Variants in PITPNM3 observed in about 807,000 individuals in gnomAD.
The protein encoded by PITPNM3 is membrane-associated phosphatidylinositol transfer protein 3.
Under a neutral mutation model 102.0 loss-of-function variants are expected in PITPNM3, and 26 were observed. That is an observed-to-expected ratio of 0.25 (90% CI 0.19 to 0.35). The LOEUF is 0.35. Ranked by LOEUF, PITPNM3 falls within the 10% of genes least tolerant of loss-of-function variation. PITPNM3 has a pLI of 1.00. For synonymous variants in PITPNM3, 578 were observed against 558.6 expected, an observed-to-expected ratio of 1.03 and a Z score of -0.49; for missense variants, 1,083 against 1,346.1, an observed-to-expected ratio of 0.80 and a Z score of 3.06.
At chr17:6,547,816 A>G (rs1390074105) in intron 1 of PITPNM3, among the ~76,000 whole-genome samples, 1 of 150,002 alleles carries the variant, frequency 6.7e-6, no homozygotes, top group African/African-American at 2.5e-5. Flanking sequence ...GCTCACTGCA[A>G]CCTCCGCCTC....
chr17:6,507,322 G>A (rs769617695), intron 3 of PITPNM3, among the ~76,000 whole-genome samples: 7 of 152,170 alleles, frequency 4.6e-5, no homozygotes, highest in Non-Finnish European at 7.3e-5. Flanking sequence ...GGTGGCTCAC[G>A]CCTGTAAACT....
chr17:6,547,127 T>C (rs1910066099), intron 1 of PITPNM3, among the ~76,000 whole-genome samples: 1 of 152,146 alleles, frequency 6.6e-6, no homozygotes, highest in Admixed American at 6.5e-5. Context: ...GACTCACGAT[T>C]CTTGTTGACA....
chr17:6,485,766 TC>T (rs942013609), intron 4 of PITPNM3, among the ~76,000 whole-genome samples: 1 of 152,170 alleles, frequency 6.6e-6, no homozygotes, highest in African/African-American at 2.4e-5. Context: ...CCTTCTTGGC[TC>T]CCAGCCCTCC....
At chr17:6,494,889 G>T (rs1254977603) in intron 4 of PITPNM3, among the ~76,000 whole-genome samples, 1 of 152,038 alleles carries the variant, frequency 6.6e-6, no homozygotes, top group African/African-American at 2.4e-5. Flanking sequence ...CCACCAGTAG[G>T]GGACAGATTA....
At chr17:6,525,771 G>A (rs541185839) in intron 2 of PITPNM3, among the ~76,000 whole-genome samples, 1 of 152,344 alleles carries the variant, frequency 6.6e-6, no homozygotes, top group African/African-American at 2.4e-5. Context: ...AAGTCAGTGT[G>A]TTTGGGAAGA....
chr17:6,536,411 G>A (rs1265898322), intron 2 of PITPNM3, among the ~76,000 whole-genome samples: 1 of 152,236 alleles, frequency 6.6e-6, no homozygotes, highest in Non-Finnish European at 1.5e-5. Context: ...TGAAGCTGTT[G>A]TTGTCTCACT....
Position 6,538,080 on chromosome 17 carries a change from C to G in PITPNM3, c.25G>C (p.Gly9Arg), listed in dbSNP as rs1463989669. 3 of 1,608,196 alleles carry G rather than the reference C, an allele frequency of 1.9e-6. No homozygotes were observed. In the East Asian group the frequency reaches 6.7e-5, roughly 36 times the overall value. Residue 9 changes from glycine to arginine, a missense_variant and splice_region_variant, in exon 2 of 20, where the codon GGT (glycine) becomes CGT (arginine). Gly to Arg is a moderately radical substitution (Grantham distance 125). Around this residue, in one of 5 missense-constraint regions of PITPNM3, gnomAD observed 290 missense variants for 337.8 expected, o/e 0.86. Coordinates refer to ENST00000262483, the MANE Select transcript of PITPNM3 (RefSeq NM_031220.4). ...GGGGCACCGCCGCCCGGGGGAGGAC[C>G]ACCTGTTAAAGGGAACACATCTGTT... MAKAGRAG[G>R]PPPGGGAPWH...
intron 4 of PITPNM3, among the ~76,000 whole-genome samples, chr17:6,493,828 G>A (rs907521210): frequency 6.6e-6 from 1 of 152,250 alleles, no homozygotes; most frequent in Non-Finnish European, 1.5e-5. Flanking sequence ...TTGAGAACAT[G>A]TTGTTAGATA....
At chr17:6,480,165 C>A (rs1347008739) in intron 6 of PITPNM3, 2 of 152,234 alleles carry the variant, frequency 1.3e-5, no homozygotes, top group African/African-American at 4.8e-5. Flanking sequence ...GGACATCTCG[C>A]AGTTTAACAA....
intron 11 of PITPNM3, among the ~76,000 whole-genome samples, chr17:6,471,652 A>G (rs1905083102): frequency 6.6e-6 from 1 of 152,222 alleles, no homozygotes; most frequent in Non-Finnish European, 1.5e-5. Flanking sequence ...AAAGCTGCAG[A>G]GGGAGCCTCT....
chr17:6,468,250 C>T lies in PITPNM3; in HGVS notation c.1865G>A (p.Arg622His), dbSNP rs148665666. ...CCTCAGCTTGACCTGAGTCCGCTTA[C>T]GAAGCCACTTCTCCCGGGGGTTGGC... ...SPANPREKWL[R>H]KRTQVKLRNV... Residue 622 changes from arginine (R) to histidine (H), a missense_variant, in exon 14 of 20, where the codon CGT (arginine) becomes CAT (histidine). This residue lies in a region of PITPNM3 where 410 missense variants were observed against 638.4 expected (regional missense o/e 0.64). Coordinates refer to ENST00000262483, the MANE Select transcript of PITPNM3 (RefSeq NM_031220.4). This position sits in a 1 kb window ranked among gnomAD's most constrained non-coding sequence, Gnocchi z 5.2. 62 of 1,613,496 alleles carry T rather than the reference C, an allele frequency of 3.8e-5. No homozygotes were observed. The highest frequency in any genetic ancestry group is 5.0e-5 in the Non-Finnish European group (59 of 1,180,034).
At chr17:6,493,365 T>C (rs1906611241) in intron 4 of PITPNM3, among the ~76,000 whole-genome samples, 1 of 152,232 alleles carries the variant, frequency 6.6e-6, no homozygotes, top group African/African-American at 2.4e-5. Context: ...GAGCAGCAGC[T>C]GCCTGCAAAT....
chr17:6,524,440 C>T (rs574707747), intron 3 of PITPNM3, among the ~76,000 whole-genome samples: 3 of 152,210 alleles, frequency 2.0e-5, no homozygotes, highest in Non-Finnish European at 4.4e-5. Flanking sequence ...CTGCTTCTCA[C>T]TCCATTGTAA....
intron 11 of PITPNM3, 104 bp from the exon 12 acceptor site, chr17:6,471,459 T>G (rs9902425): frequency 1.7e-6 from 2 of 1,151,518 alleles, no homozygotes; most frequent in Non-Finnish European, 2.4e-6. Flanking sequence ...CTTGGAGGAG[T>G]CAGCCCCGGC....
At position 6,454,245 on chromosome 17, in the gene PITPNM3, C is replaced by T. The variant is rs1253276975; in HGVS notation, c.*1093G>A. The T allele has an allele frequency of 2.6e-5, 4 of 152,196 alleles. No homozygotes were observed. The highest frequency in any genetic ancestry group is 5.9e-5 in the Non-Finnish European group (4 of 68,044). 9.4% of individuals were successfully genotyped at this position (152,196 alleles called of 1,614,324 possible). ...AGGGAGGTGGGTTGTCCCTAGGACA[C>T]CCAGTTTGAGTGGGTTGTCCCTGGG... On this transcript the variant is annotated 3_prime_UTR_variant, in exon 20 of 20. Transcript: ENST00000262483.
At chr17:6,542,652 G>A (rs1029368866) in intron 1 of PITPNM3, among the ~76,000 whole-genome samples, 1 of 152,186 alleles carries the variant, frequency 6.6e-6, no homozygotes, top group East Asian at 1.9e-4. Flanking sequence ...ACTGTTAGGA[G>A]ATTTAAATGA....
At chr17:6,462,437 A>C (rs1597360907) in intron 17 of PITPNM3, among the ~76,000 whole-genome samples, 1 of 151,156 alleles carries the variant, frequency 6.6e-6, no homozygotes, top group Non-Finnish European at 1.5e-5. Flanking sequence ...CCCTGAACAA[A>C]CCCTTGGCTC....
At position 6,452,223 on chromosome 17, in the gene PITPNM3, T is replaced by C. The variant is rs192664959; in HGVS notation, c.*3115A>G. 2.0e-5 allele frequency: 3 copies of C among 152,208 alleles called. No individual in the cohort carries two copies. Among genetic ancestry groups the C allele is most frequent in the East Asian group, 1.9e-4 (1 of 5,180 alleles). The allele number at this position is 152,208 out of a possible 1,614,324, so 9.4% of individuals were successfully genotyped here. On this transcript the variant is annotated 3_prime_UTR_variant, in exon 20 of 20. Coordinates refer to ENST00000262483, the MANE Select transcript of PITPNM3 (RefSeq NM_031220.4). ...GCTTTTTTAAAAAAGAAATATTTTA[T>C]GGAGCCCAAGGGAGCCGTTGAGATC...
chr17:6,474,979 C>A (rs1315392950), intron 9 of PITPNM3, among the ~76,000 whole-genome samples: 3 of 152,164 alleles, frequency 2.0e-5, no homozygotes, highest in Admixed American at 1.3e-4. Flanking sequence ...CAAAAACAGG[C>A]TGAGCACCTG....
Sources: gnomAD v4.1 joint callset for allele counts (sites outside exome capture counted in the v4.1 genomes callset) on GRCh38, gnomAD v4.1.1 for gene constraint, gnomAD v4.1.1 regional missense constraint, Gnocchi (gnomAD v3.1) non-coding constraint, MANE v1.5 for transcripts, NCBI Gene and HGNC (gene_info 2026-07-23, HGNC 2026-07-21) for gene names.